The following ALDH3B2 variants were observed in gnomAD, a reference collection of about 807,000 sequenced individuals.
The protein encoded by ALDH3B2 is aldehyde dehydrogenase family 3 member B2.
In ALDH3B2, 45 loss-of-function variants were observed where a neutral mutation model predicts 36.7. That is an observed-to-expected ratio of 1.23 (90% CI 0.97 to 1.57). ALDH3B2 has a LOEUF of 1.57. Among genes scored for constraint, ALDH3B2 ranks in the 40% most tolerant of loss-of-function variants. The pLI, the probability that ALDH3B2 is intolerant of heterozygous loss-of-function variation, is 0.00. For missense variants in ALDH3B2, 464 were observed against 513.3 expected, an observed-to-expected ratio of 0.90 and a Z score of 0.93; for synonymous variants, 217 against 226.5, an observed-to-expected ratio of 0.96 and a Z score of 0.38.
At chr11:67,664,272 A>G in intron 8 of ALDH3B2, 124 bp downstream of exon 8, 1 of 1,457,898 alleles carries the variant, frequency 6.9e-7, no homozygotes, top group Non-Finnish European at 9.3e-7. Flanking sequence ...CAGGTGGCCT[A>G]GATATAGTCA....
Position 67,666,406 on chromosome 11 carries a change from AG to A in ALDH3B2, c.152-6del. 6.2e-7 allele frequency: 1 copy of A among 1,608,086 alleles called. No individual in the cohort carries two copies. Among genetic ancestry groups the A allele is most frequent in the South Asian group, 1.1e-5 (1 of 90,374 alleles). On this transcript the variant is annotated splice_region_variant and splice_polypyrimidine_tract_variant and intron_variant, in intron 4 of 9. Coordinates refer to ENST00000349015, the Ensembl canonical transcript of ALDH3B2. ...GCTTCAGCACCACGCAACTCCCTGC[AG>A]GGGCAGATGGGGACGTCGTTGGGGG...
intron 7 of ALDH3B2, 83 bp downstream of exon 7, chr11:67,665,202 T>C: frequency 6.6e-7 from 1 of 1,519,362 alleles, no homozygotes; most frequent in Non-Finnish European, 8.8e-7. Flanking sequence ...CAGGTGCGAG[T>C]CCAGACTCGT....
Position 67,663,912 on chromosome 11 carries a change from C to T in ALDH3B2, c.874-151G>A, listed in dbSNP as rs185978865. 27 of 655,442 alleles carry T rather than the reference C, an allele frequency of 4.1e-5. No homozygotes were observed. The African/African-American group carries it at 4.6e-4, about 11-fold the overall frequency. The allele number at this position is 655,442 out of a possible 1,614,324, so 40.6% of individuals were successfully genotyped here. ...CTCCGCTCTAAGCATCTTCTGGGGA[C>T]AGCACCCTCTCAGTGACGGTCGGGG... On this transcript the variant is annotated intron_variant, in intron 8 of 9. Coordinates refer to ENST00000349015, the Ensembl canonical transcript of ALDH3B2.
At chr11:67,667,129 T>C in intron 2 of ALDH3B2, 113 bp from the exon 3 acceptor site, 1 of 632,068 alleles carries the variant, frequency 1.6e-6, no homozygotes, top group Non-Finnish European at 2.8e-6. Context: ...TAAATACAGC[T>C]CCTATGGGAG....
chr11:67,668,943 GTGTGTGTA>G (rs1372698150), intron 1 of ALDH3B2, among the ~76,000 whole-genome samples: 2 of 148,670 alleles, frequency 1.3e-5, no homozygotes, highest in Non-Finnish European at 3.0e-5. Context: ...GTGTGTATGG[GTGTGTGTA>G]TGTGTGTATG....
intron 1 of ALDH3B2, among the ~76,000 whole-genome samples, chr11:67,668,295 C>T (rs1377154253): frequency 6.6e-6 from 1 of 152,140 alleles, no homozygotes; most frequent in Non-Finnish European, 1.5e-5. Context: ...GGCACAGGTG[C>T]AGGTGGGGGT....
At chr11:67,662,621 C>G (rs1855774376) in exon 10 of ALDH3B2, 1 of 152,834 alleles carries the variant, frequency 6.5e-6, no homozygotes, top group Non-Finnish European at 1.5e-5. Context: ...GCCCCCAGGT[C>G]CCACTAACAC....
chr11:67,670,994 G>T (rs1056570322), intron 1 of ALDH3B2: 1 of 152,630 alleles, frequency 6.6e-6, no homozygotes, highest in Non-Finnish European at 1.5e-5. Flanking sequence ...AGCTTTGCCT[G>T]GCATGCGAGC....
At chr11:67,674,018 A>C (rs1348921211) in intron 1 of ALDH3B2, among the ~76,000 whole-genome samples, 1 of 152,208 alleles carries the variant, frequency 6.6e-6, no homozygotes, top group Non-Finnish European at 1.5e-5. Context: ...ACTGCCAAGA[A>C]TCTCTCTGCT....
upstream of ALDH3B2, among the ~76,000 whole-genome samples, chr11:67,676,004 G>A (rs1280230151): frequency 1.3e-5 from 2 of 152,230 alleles, no homozygotes; most frequent in African/African-American, 4.8e-5. Flanking sequence ...CCAGCACTTT[G>A]GGAGGCCGAA....
chr11:67,668,820 T>C (rs932429153), intron 1 of ALDH3B2, among the ~76,000 whole-genome samples: 1 of 144,236 alleles, frequency 6.9e-6, no homozygotes, highest in African/African-American at 2.6e-5. Flanking sequence ...TGTGTGTCTT[T>C]GTGTGTATGG....
intron 8 of ALDH3B2, 40 bp from the exon 9 acceptor site, chr11:67,663,801 T>C: frequency 1.3e-6 from 2 of 1,561,338 alleles, no homozygotes; most frequent in South Asian, 2.3e-5. Flanking sequence ...GCTCTAGTCA[T>C]GAGAAGAGGG....
chr11:67,664,015 C>T (rs934122418), intron 8 of ALDH3B2, among the ~76,000 whole-genome samples: 3 of 152,154 alleles, frequency 2.0e-5, no homozygotes, highest in African/African-American at 7.2e-5. Flanking sequence ...AGCCTTGAGT[C>T]GCGACGGTGA....
In ALDH3B2 at chr11:67,672,088, T is replaced by G. The variant is rs1262841495; in HGVS notation, c.-245+2349A>C. Among the ~76,000 whole-genome samples, 7 of 104,718 alleles carry G rather than the reference T, an allele frequency of 6.7e-5. No homozygotes were observed. In the East Asian group the frequency reaches 1.4e-3, roughly 20 times the overall value. The allele number at this position is 104,718 out of a possible 152,430, so 68.7% of individuals were successfully genotyped here. A position where few individuals can be genotyped will look rare whatever the true frequency, so the allele number is the denominator to read the frequency against. ...ATATATATATATATATATATATATA[T>G]GTATGTATGTATTTTGTGTGTGTGT... On this transcript the variant is annotated intron_variant, in intron 1 of 9. Coordinates refer to ENST00000349015, the Ensembl canonical transcript of ALDH3B2.
At chr11:67,678,988 C>T (rs1321670085), upstream of ALDH3B2, among the ~76,000 whole-genome samples, 1 of 151,952 alleles carries the variant, frequency 6.6e-6, no homozygotes, top group Admixed American at 6.6e-5. Context: ...GGACGCAAAG[C>T]ATAAGAATGA....
chr11:67,667,453 G>T lies in ALDH3B2; in HGVS notation c.-82+20C>A. 2.7e-6 allele frequency: 1 copy of T among 367,618 alleles called. No individual in the cohort carries two copies. 22.8% of individuals were successfully genotyped at this position (367,618 alleles called of 1,614,324 possible). On this transcript the variant is annotated intron_variant, in intron 2 of 9. Transcript: ENST00000349015. ...GGACGCTGCTCCAGCCCCTGCCGGG[G>T]CCCACTCTCCACGGCCCACCTTATG...
chr11:67,669,710 CTGTG>C (rs1230957993), intron 1 of ALDH3B2, among the ~76,000 whole-genome samples: 2 of 113,898 alleles, frequency 1.8e-5, no homozygotes, highest in East Asian at 2.7e-4. Flanking sequence ...GTATGGGTGT[CTGTG>C]TGCGTATGGG....
In ALDH3B2 at chr11:67,666,283, C is replaced by T. The variant is rs112948876; in HGVS notation, c.237+33G>A. On this transcript the variant is annotated intron_variant, in intron 5 of 9. Transcript: ENST00000349015. ...AGCCCACAGGGGTGATATATGGGGACGTCGGGCACTGCTGGGGCAGGGCCA... is the reference window on the plus strand; with the variant it reads ...AGCCCACAGGGGTGATATATGGGGATGTCGGGCACTGCTGGGGCAGGGCCA... 3.2e-5 allele frequency: 52 copies of T among 1,611,482 alleles called. 2 individuals carry two copies. The highest frequency in any genetic ancestry group is 2.5e-4 in the East Asian group (11 of 44,812).
At chr11:67,664,628 A>T in intron 7 of ALDH3B2, 66 bp from the exon 8 acceptor site, 4 of 1,582,506 alleles carry the variant, frequency 2.5e-6, no homozygotes, top group Non-Finnish European at 3.4e-6. Context: ...GGTAGGGTAG[A>T]GGTGGGGACA....
Sources: gnomAD v4.1 joint callset for allele counts (sites outside exome capture counted in the v4.1 genomes callset) on GRCh38, gnomAD v4.1.1 for gene constraint, MANE v1.5 for transcripts, NCBI Gene and HGNC (gene_info 2026-07-23, HGNC 2026-07-21) for gene names.